The following SUPT4H1 variants were observed in gnomAD, a reference collection of about 807,000 sequenced individuals.
SUPT4H1 encodes transcription elongation factor SPT4.
In SUPT4H1, 12 loss-of-function variants were observed where a neutral mutation model predicts 19.4. That is an observed-to-expected ratio of 0.62 (90% CI 0.40 to 1.00). SUPT4H1 has a LOEUF of 1.00. Among genes scored for constraint, SUPT4H1 ranks in the 50% least tolerant of loss-of-function variants. SUPT4H1 has a pLI of 0.00. For synonymous variants in SUPT4H1, 58 were observed against 56.3 expected, an observed-to-expected ratio of 1.03 and a Z score of -0.14; for missense variants, 115 against 149.2, an observed-to-expected ratio of 0.77 and a Z score of 1.19.
intron 3 of SUPT4H1, 85 bp downstream of exon 3, chr17:58,347,444 T>C (rs1011130565): frequency 2.3e-5 from 35 of 1,524,768 alleles, no homozygotes; most frequent in Non-Finnish European, 3.1e-5. Flanking sequence ...AGGTCACTCA[T>C]CTTGCTGATT....
chr17:58,351,770 C>T, intron 1 of SUPT4H1: 1 of 573,300 alleles, frequency 1.7e-6, no homozygotes, highest in Non-Finnish European at 3.1e-6. Context: ...CGACTACTCA[C>T]TCAGCAGCGG....
At chr17:58,348,295 C>T (rs1303068133) in intron 2 of SUPT4H1, among the ~76,000 whole-genome samples, 1 of 152,198 alleles carries the variant, frequency 6.6e-6, no homozygotes, top group Non-Finnish European at 1.5e-5. Flanking sequence ...CAATCAAATG[C>T]TTACTGACTG....
intron 2 of SUPT4H1, among the ~76,000 whole-genome samples, chr17:58,348,162 C>G (rs1436566247): frequency 6.6e-6 from 1 of 152,190 alleles, no homozygotes; most frequent in Non-Finnish European, 1.5e-5. Context: ...AGCATTAGCT[C>G]TCCTCATTAT....
intron 4 of SUPT4H1, among the ~76,000 whole-genome samples, chr17:58,346,629 G>A (rs367568426): frequency 2.6e-5 from 4 of 151,396 alleles, no homozygotes; most frequent in African/African-American, 4.9e-5. Flanking sequence ...AGGCTGAGGC[G>A]GGAGGATCCC....
chr17:58,350,857 A>G (rs1033427255), intron 2 of SUPT4H1, among the ~76,000 whole-genome samples: 6 of 142,622 alleles, frequency 4.2e-5, no homozygotes, highest in African/African-American at 1.3e-4. Context: ...AAAAAAAAAA[A>G]GCAACAGCTT....
chr17:58,347,016 C>T (rs780033515), intron 4 of SUPT4H1, among the ~76,000 whole-genome samples, 172 bp downstream of exon 4: 3 of 152,164 alleles, frequency 2.0e-5, no homozygotes, highest in African/African-American at 7.2e-5. Flanking sequence ...ATCCTGGCTC[C>T]TCATTTACTA....
rs369827676 is a variant in SUPT4H1 at position 58,352,165 on chromosome 17, T to A, written c.-30A>T. 7.4e-6 allele frequency: 12 copies of A among 1,610,998 alleles called. No homozygotes were observed. Among genetic ancestry groups the A allele is most frequent in the Non-Finnish European group, 1.0e-5 (12 of 1,177,282 alleles). ...GCCGATGGGAAGAACAACAGGGAGA[T>A]AGACGACCACAGCCTGTGCACCCGC... On this transcript the variant is annotated 5_prime_UTR_variant, in exon 1 of 5. Transcript: ENST00000225504.
Position 58,347,534 on chromosome 17 carries a change from C to T in SUPT4H1, c.227G>A (p.Arg76Gln), listed in dbSNP as rs781574305. Residue 76 changes from arginine (R) to glutamine (Q), a missense_variant, in exon 3 of 5, where the codon CGA becomes CAA. Arg to Gln is a conservative substitution (Grantham distance 43). Transcript: ENST00000225504. ...GGAGACAGGCCAACACTTACTGACT[C>T]GCTGCCACTTGGAGACCCAGCTGTC... is the stretch of plus-strand genomic sequence containing the variant. Reference protein sequence around the residue: ...PEDSWVSKWQRVSNFKPGVYA... With the variant: ...PEDSWVSKWQQVSNFKPGVYA... The T allele has an allele frequency of 5.0e-6, 8 of 1,614,054 alleles. No individual in the cohort carries two copies. The highest frequency in any genetic ancestry group is 5.9e-6 in the Non-Finnish European group (7 of 1,180,028).
At position 58,346,144 on chromosome 17, in the gene SUPT4H1, G is replaced by A; in HGVS notation, c.*102C>T. 2.2e-6 allele frequency: 2 copies of A among 918,534 alleles called. No homozygotes were observed. The highest frequency in any genetic ancestry group is 1.8e-5 in the Admixed American group (1 of 55,072). 56.9% of individuals were successfully genotyped at this position (918,534 alleles called of 1,614,324 possible). A position where few individuals can be genotyped will look rare whatever the true frequency, so the allele number is the denominator to read the frequency against. On this transcript the variant is annotated 3_prime_UTR_variant, in exon 5 of 5. Transcript: ENST00000225504. ...CTCAACAGTCAGCTGAGTCTGAATT[G>A]GAGGGTAGGAAGTATTTGAAGTTCT...
chr17:58,351,531 G>A, intron 1 of SUPT4H1, 23 bp from the exon 2 acceptor site: 1 of 1,524,186 alleles, frequency 6.6e-7, no homozygotes, highest in Non-Finnish European at 9.1e-7. Context: ...GAAAAATAAA[G>A]GAAAAGGAGA....
intron 2 of SUPT4H1, 123 bp from the exon 3 acceptor site, chr17:58,347,707 T>C: frequency 2.2e-6 from 2 of 929,046 alleles, no homozygotes; most frequent in Non-Finnish European, 3.5e-6. Flanking sequence ...CAAAACTGCC[T>C]TCTGATGTTG....
rs1270990087 is a variant in SUPT4H1 at position 58,345,209 on chromosome 17, T to TA, written c.*1036dup. Reference sequence around the variant, plus strand: ...AAAAGTATTTCACCTTTATAATACTTATATAATTTTCACATAGCTTCGTTT... The same window carrying TA: ...AAAAGTATTTCACCTTTATAATACTTAATATAATTTTCACATAGCTTCGTTT... On this transcript the variant is annotated 3_prime_UTR_variant, in exon 5 of 5. Transcript: ENST00000225504. 1.3e-5 allele frequency: 2 copies of TA among 151,990 alleles called. No homozygotes were observed. Among genetic ancestry groups the TA allele is most frequent in the African/African-American group, 2.4e-5 (1 of 41,430 alleles). The allele number at this position is 151,990 out of a possible 1,614,324, so 9.4% of individuals were successfully genotyped here.
chr17:58,351,229 G>A (rs974301149), intron 2 of SUPT4H1, among the ~76,000 whole-genome samples, 173 bp downstream of exon 2: 11 of 132,712 alleles, frequency 8.3e-5, no homozygotes, highest in Non-Finnish European at 6.1e-5. Context: ...TCCAGCCTGA[G>A]CCACAGAGCA....
At position 58,345,343 on chromosome 17, in the gene SUPT4H1, T is replaced by C. The variant is rs1220573316; in HGVS notation, c.*903A>G. 1 of 152,144 alleles carries C rather than the reference T, an allele frequency of 6.6e-6. No homozygotes were observed. Among genetic ancestry groups the C allele is most frequent in the Non-Finnish European group, 1.5e-5 (1 of 68,030 alleles). The allele number at this position is 152,144 out of a possible 1,614,324, so 9.4% of individuals were successfully genotyped here. On this transcript the variant is annotated 3_prime_UTR_variant, in exon 5 of 5. Transcript: ENST00000225504. ...AAAATGGGGATACGAACAGGATTTC[T>C]GTGGAAATTTAAATGAGAATTTGTG...
At chr17:58,348,234 G>C (rs528363113) in intron 2 of SUPT4H1, among the ~76,000 whole-genome samples, 3 of 152,328 alleles carry the variant, frequency 2.0e-5, no homozygotes, top group Admixed American at 2.0e-4. Context: ...TCAAGGGCTA[G>C]AAGATGCTGC....
At chr17:58,347,499 TA>T in intron 3 of SUPT4H1, 29 bp downstream of exon 3, 1 of 1,613,736 alleles carries the variant, frequency 6.2e-7, no homozygotes, top group Non-Finnish European at 8.5e-7. Context: ...ACACTACAAC[TA>T]AGCCAAAAGG....
rs1598110638 is a variant in SUPT4H1 at position 58,347,566 on chromosome 17, A to G, written c.195T>C (p.Ser65=). Residue 65 remains serine, a synonymous_variant, in exon 3 of 5, where the codon AGT becomes AGC. Transcript: ENST00000225504. The part of the protein sequence containing the change: ...SSFDGIIAMM[S]PEDSWVSKWQ... ...ACTTGGAGACCCAGCTGTCCTCTGG[A>G]CTCATCATCGCAATGATTCTAGGGA... 4 of 1,614,158 alleles carry G rather than the reference A, an allele frequency of 2.5e-6. No individual in the cohort carries two copies. The highest frequency in any genetic ancestry group is 3.4e-6 in the Non-Finnish European group (4 of 1,180,014).
At chr17:58,347,504 C>G (rs372624483) in intron 3 of SUPT4H1, 25 bp downstream of exon 3, 1 of 1,614,010 alleles carries the variant, frequency 6.2e-7, no homozygotes, top group East Asian at 2.2e-5. Context: ...ACAACTAAGC[C>G]AAAAGGAGAC....
chr17:58,350,341 G>A (rs560239765), intron 2 of SUPT4H1, among the ~76,000 whole-genome samples: 4 of 151,600 alleles, frequency 2.6e-5, no homozygotes, highest in South Asian at 2.1e-4. Flanking sequence ...GTGAAACCCC[G>A]TCTCTACTAA....
Sources: gnomAD v4.1 joint callset for allele counts (sites outside exome capture counted in the v4.1 genomes callset) on GRCh38, gnomAD v4.1.1 for gene constraint, MANE v1.5 for transcripts, NCBI Gene and HGNC (gene_info 2026-07-23, HGNC 2026-07-21) for gene names.